The following NAALADL2 variants were observed in gnomAD, a reference collection of about 807,000 sequenced individuals.
The protein encoded by NAALADL2 is N-acetylated alpha-linked acidic dipeptidase like 2.
NAALADL2 carries 76 observed loss-of-function variants against 87.2 expected under a neutral mutation model. The ratio of observed to expected loss-of-function variants is 0.87; its 90% CI spans 0.72 to 1.05. The LOEUF (loss-of-function observed/expected upper bound fraction) is 1.05. Ranked by LOEUF, NAALADL2 falls within the 50% of genes least tolerant of loss-of-function variation. The pLI, the probability that NAALADL2 is intolerant of heterozygous loss-of-function variation, is 0.00. For synonymous variants in NAALADL2, 354 were observed against 331.0 expected, an observed-to-expected ratio of 1.07 and a Z score of -0.75; for missense variants, 1,089 against 945.8, an observed-to-expected ratio of 1.15 and a Z score of -1.99.
intron 1 of NAALADL2, among the ~76,000 whole-genome samples, chr3:174,962,530 T>A (rs1209704472): frequency 2.0e-5 from 3 of 150,182 alleles, no homozygotes; most frequent in African/African-American, 5.0e-5. Context: ...CCATACATAA[T>A]AAAAGGCAGA....
chr3:175,302,150 A>G (rs1394358253), intron 4 of NAALADL2, among the ~76,000 whole-genome samples: 1 of 152,216 alleles, frequency 6.6e-6, no homozygotes, highest in African/African-American at 2.4e-5. Context: ...ATTCTCTATT[A>G]AGAGTCTTTC....
At chr3:174,660,873 G>T (rs2108777748) in intron 2 of NAALADL2, among the ~76,000 whole-genome samples, 1 of 152,040 alleles carries the variant, frequency 6.6e-6, no homozygotes, top group East Asian at 1.9e-4. Context: ...TAATTAGTTT[G>T]TCCTAAAAGA....
chr3:174,705,154 TCACA>T (rs1374418323), intron 2 of NAALADL2, among the ~76,000 whole-genome samples: 1 of 151,926 alleles, frequency 6.6e-6, no homozygotes, highest in Non-Finnish European at 1.5e-5. Flanking sequence ...CAGGGCACAC[TCACA>T]CACACACCCC....
At chr3:175,439,369 T>C (rs990456598) in intron 5 of NAALADL2, among the ~76,000 whole-genome samples, 1 of 152,082 alleles carries the variant, frequency 6.6e-6, no homozygotes, top group Non-Finnish European at 1.5e-5. Flanking sequence ...GGAGTGGGGT[T>C]GCTGGATAAA....
intron 5 of NAALADL2, among the ~76,000 whole-genome samples, chr3:175,381,879 G>A (rs1375861138): frequency 6.6e-6 from 1 of 152,150 alleles, no homozygotes; most frequent in African/African-American, 2.4e-5. Context: ...GGGCCTGCAT[G>A]CTGGGATTTT....
chr3:174,997,833 A>AAACAACAAC (rs60367540), intron 1 of NAALADL2, among the ~76,000 whole-genome samples: 1,460 of 142,044 alleles, frequency 0.01, 8 homozygotes, highest in African/African-American at 0.014. Flanking sequence ...ACCAAAAAGC[A>AAACAACAAC]AACAACAACA....
At position 175,659,023 on chromosome 3, in the gene NAALADL2, A is replaced by G. The variant is rs73881340; in HGVS notation, c.1896+31637A>G. 3.2e-3 allele frequency among the ~76,000 whole-genome samples: 484 copies of G among 152,280 alleles called. 3 individuals carry two copies. The highest frequency in any genetic ancestry group is 0.011 in the African/African-American group (449 of 41,576). On this transcript the variant is annotated intron_variant, in intron 11 of 13. Coordinates refer to ENST00000454872, the MANE Select transcript of NAALADL2 (RefSeq NM_207015.3). ...TGAATTTTAATGCTCTGGACCACACAGTCTTGAATTCTAGGCCATCTGTTT... is the reference window on the plus strand; with the variant it reads ...TGAATTTTAATGCTCTGGACCACACGGTCTTGAATTCTAGGCCATCTGTTT...
At chr3:175,598,094 C>T (rs779341633) in intron 10 of NAALADL2, among the ~76,000 whole-genome samples, 4 of 151,866 alleles carry the variant, frequency 2.6e-5, no homozygotes, top group African/African-American at 4.8e-5. Flanking sequence ...ACAGATAAAA[C>T]CATCAATCTT....
chr3:175,243,275 C>T (rs1747279462), intron 3 of NAALADL2, among the ~76,000 whole-genome samples: 1 of 140,344 alleles, frequency 7.1e-6, no homozygotes, highest in Non-Finnish European at 1.5e-5. Flanking sequence ...TTTTCAGCTA[C>T]CTGCCAAAAC....
chr3:174,957,263 C>A (rs929197205), intron 1 of NAALADL2, among the ~76,000 whole-genome samples: 10 of 151,902 alleles, frequency 6.6e-5, no homozygotes, highest in Non-Finnish European at 1.2e-4. Context: ...TCTCACCTCC[C>A]TACTGCAAGA....
intron 5 of NAALADL2, among the ~76,000 whole-genome samples, chr3:175,382,130 C>T (rs1014179249): frequency 1.3e-4 from 20 of 152,056 alleles, no homozygotes; most frequent in Non-Finnish European, 2.8e-4. Flanking sequence ...ATTTTTTCAC[C>T]TTCCAGGATA....
At chr3:174,662,193 A>G (rs1423764243) in intron 2 of NAALADL2, among the ~76,000 whole-genome samples, 7 of 152,196 alleles carry the variant, frequency 4.6e-5, no homozygotes, top group Non-Finnish European at 7.3e-5. Context: ...TTATTATTTT[A>G]TAGCTAACAT....
chr3:174,902,941 G>C (rs1238221369), intron 1 of NAALADL2, among the ~76,000 whole-genome samples: 1 of 152,070 alleles, frequency 6.6e-6, no homozygotes, highest in East Asian at 1.9e-4. Flanking sequence ...GAGGAACCAT[G>C]TGAAAGGAAT....
chr3:174,445,532 C>T (rs911874997), intron 1 of NAALADL2, among the ~76,000 whole-genome samples: 3 of 151,964 alleles, frequency 2.0e-5, no homozygotes, highest in Admixed American at 6.6e-5. Context: ...TAGTTTTTTA[C>T]GTGGTACATT....
intron 2 of NAALADL2, among the ~76,000 whole-genome samples, chr3:174,702,683 T>C (rs1729670128): frequency 1.3e-5 from 2 of 152,198 alleles, no homozygotes; most frequent in African/African-American, 4.8e-5. Context: ...CTGTACTCAA[T>C]ACAGTAGACA....
intron 1 of NAALADL2, among the ~76,000 whole-genome samples, chr3:174,924,640 G>C (rs1445101087): frequency 3.3e-5 from 5 of 152,130 alleles, no homozygotes; most frequent in African/African-American, 9.7e-5. Context: ...TCGCCACACT[G>C]TCTTCCACAA....
chr3:175,210,248 T>G (rs1029138816), intron 2 of NAALADL2, among the ~76,000 whole-genome samples: 1 of 151,774 alleles, frequency 6.6e-6, no homozygotes, highest in Non-Finnish European at 1.5e-5. Context: ...AAAGGATATA[T>G]ATAAAATGTT....
intron 4 of NAALADL2, among the ~76,000 whole-genome samples, chr3:175,302,853 T>C (rs1757256080): frequency 9.8e-6 from 1 of 101,956 alleles, no homozygotes. Flanking sequence ...TGTGTATGTG[T>C]GTGTGTGTGT....
chr3:175,124,511 G>C (rs1726640121), intron 2 of NAALADL2: 1 of 151,994 alleles, frequency 6.6e-6, no homozygotes, highest in Admixed American at 6.6e-5. Context: ...TTATCAGGAA[G>C]ATAAATGCTT....
Sources: allele counts gnomAD v4.1 joint callset (sites outside exome capture counted in the v4.1 genomes callset), GRCh38; gene constraint gnomAD v4.1.1; transcripts MANE v1.5; gene names NCBI Gene and HGNC (gene_info 2026-07-23, HGNC 2026-07-21).